ANKRD24: variants seen among roughly 807,000 people sequenced by gnomAD.
ANKRD24 encodes the protein ankyrin repeat domain 24, also known as ankyrin repeat domain-containing protein 24.
A neutral mutation model predicts 127.8 loss-of-function variants in ANKRD24; 109 were observed. That is an observed-to-expected ratio of 0.85 (90% CI 0.73 to 1.00). The LOEUF (loss-of-function observed/expected upper bound fraction) is 1.00, where lower values mean the gene tolerates loss of function less well. Among genes scored for constraint, ANKRD24 ranks in the 50% least tolerant of loss-of-function variants. The probability of loss-of-function intolerance (pLI) is 0.00; values close to 1 mark genes in which losing one functional copy is unlikely to be tolerated. For synonymous variants in ANKRD24, 743 were observed against 671.1 expected (o/e 1.11, Z -1.66); for missense variants, 1,648 against 1,570.2 (o/e 1.05, Z -0.84).
intron 7 of ANKRD24, 99 bp from the exon 8 acceptor site, chr19:4,207,143 C>CAA: frequency 1.1e-6 from 1 of 936,052 alleles, no homozygotes; most frequent in African/African-American, 1.7e-5. Context: ...AGGTTGGTCT[C>CAA]AAACTCCAGA....
At chr19:4,188,541 A>G (rs11085061) in intron 2 of ANKRD24, among the ~76,000 whole-genome samples, 73,541 of 151,470 alleles carry the variant, frequency 0.49, 17,846 homozygotes, top group East Asian at 0.6. Context: ...GCACCACCAC[A>G]CTGGGCTAAT....
intron 2 of ANKRD24, among the ~76,000 whole-genome samples, chr19:4,191,003 C>T (rs776832093): frequency 1.9e-4 from 29 of 152,048 alleles, no homozygotes; most frequent in African/African-American, 4.3e-4. Context: ...TGGGAGGGGT[C>T]GGGACAAAGT....
At chr19:4,188,117 G>A (rs775341445) in intron 2 of ANKRD24, among the ~76,000 whole-genome samples, 5 of 151,856 alleles carry the variant, frequency 3.3e-5, no homozygotes, top group East Asian at 3.9e-4. Flanking sequence ...CCCTCTTGTC[G>A]CCCAGGCTGG....
At chr19:4,184,162 C>T (rs1053109194) in intron 1 of ANKRD24, among the ~76,000 whole-genome samples, 3 of 152,212 alleles carry the variant, frequency 2.0e-5, no homozygotes, top group Admixed American at 6.5e-5. Context: ...GGCTCATCCC[C>T]GGCCCCCTGG....
At chr19:4,212,279 T>C (rs1040190510) in intron 13 of ANKRD24, among the ~76,000 whole-genome samples, 196 bp from the exon 14 acceptor site, 11 of 152,138 alleles carry the variant, frequency 7.2e-5, no homozygotes, top group African/African-American at 2.7e-4. Context: ...TATTTAGTAA[T>C]GAGTGAGCAG....
At chr19:4,210,968 G>A (rs1461350653) in intron 13 of ANKRD24, among the ~76,000 whole-genome samples, 1 of 151,804 alleles carries the variant, frequency 6.6e-6, no homozygotes, top group Admixed American at 6.6e-5. Context: ...CAAGCAGCTG[G>A]GATTACAGGC....
intron 13 of ANKRD24, 124 bp from the exon 14 acceptor site, chr19:4,212,351 G>T: frequency 8.7e-7 from 1 of 1,150,488 alleles, no homozygotes; most frequent in Non-Finnish European, 1.2e-6. Context: ...GCAGAATTCA[G>T]TAGGTGCTGA....
At chr19:4,207,103 TGTA>T in intron 7 of ANKRD24, 136 bp from the exon 8 acceptor site, 4 of 423,016 alleles carry the variant, frequency 9.5e-6, no homozygotes, top group Non-Finnish European at 1.2e-5. Context: ...TTTTTTTTTT[TGTA>T]GAGACAGGGT....
At chr19:4,215,859 T>C (rs1255629107) in intron 15 of ANKRD24, 119 bp from the exon 16 acceptor site, 8 of 732,056 alleles carry the variant, frequency 1.1e-5, no homozygotes, top group Non-Finnish European at 1.6e-5. Context: ...AATGCAGCCA[T>C]CTGGTGCTCG....
chr19:4,210,443 A>G lies in ANKRD24; in HGVS notation c.1059+71A>G, dbSNP rs1272803491. The G allele has an allele frequency of 3.8e-6, 5 of 1,310,480 alleles. No individual in the cohort carries two copies. In the Admixed American group the frequency reaches 7.9e-5, roughly 21 times the overall value. 81.2% of individuals were successfully genotyped at this position (1,310,480 alleles called of 1,614,324 possible). A position where few individuals can be genotyped will look rare whatever the true frequency, so the allele number is the denominator to read the frequency against. ...TCAATGCAGGCATGAAGATCCCCCT[A>G]CTTTTCTCCCACCTTCCCTCCTCCA... On this transcript the variant is annotated intron_variant, in intron 13 of 21. Transcript: ENST00000318934.
rs1450678839 is a variant in ANKRD24 at position 4,195,671 on chromosome 19, G to A, written c.37-4012G>A. 6.6e-6 allele frequency among the ~76,000 whole-genome samples: 1 copy of A among 152,160 alleles called. No individual in the cohort carries two copies. Among genetic ancestry groups the A allele is most frequent in the African/African-American group, 2.4e-5 (1 of 41,442 alleles). ...CCAACACTTTGAGAGGCCAAGGCAGGTGGATCACGAGGTCAGAGTTCAAGA... is the reference window on the plus strand; with the variant it reads ...CCAACACTTTGAGAGGCCAAGGCAGATGGATCACGAGGTCAGAGTTCAAGA... On this transcript the variant is annotated intron_variant, in intron 2 of 21. Coordinates refer to ENST00000318934, the MANE Select transcript of ANKRD24 (RefSeq NM_001393985.1). The surrounding 1 kb of genome is among the most constrained non-coding windows in gnomAD (Gnocchi z 4.2).
At chr19:4,204,095 C>T (rs1023367538) in intron 7 of ANKRD24, among the ~76,000 whole-genome samples, 10 of 151,076 alleles carry the variant, frequency 6.6e-5, no homozygotes, top group African/African-American at 9.7e-5. Context: ...TCCCGAGTAG[C>T]GGGGACTACA....
chr19:4,206,726 C>G (rs1969408043), intron 7 of ANKRD24, among the ~76,000 whole-genome samples: 1 of 152,174 alleles, frequency 6.6e-6, no homozygotes, highest in Non-Finnish European at 1.5e-5. Context: ...TGACCACTGG[C>G]CTGGTTGGGC....
Position 4,217,391 on chromosome 19 carries a change from C to T in ANKRD24, c.2231C>T (p.Ala744Val). The T allele has an allele frequency of 2.6e-6, 4 of 1,550,310 alleles. No homozygotes were observed. Among genetic ancestry groups the T allele is most frequent in the South Asian group, 1.2e-5 (1 of 84,020 alleles). The change falls in exon 18 of 22, where the codon GCT (alanine) becomes GTT (valine). Residue 744 changes from alanine to valine, a missense_variant. Ala to Val is a moderately conservative substitution (Grantham distance 64). Transcript: ENST00000318934. ...CTCCGGCAGCGGGAGCGGGAGGCAG[C>T]TGCGGAGCTGGAGGCGGCCCTGGGG... ...EALRQREREA[A>V]AELEAALGKC...
intron 13 of ANKRD24, among the ~76,000 whole-genome samples, chr19:4,211,472 C>A (rs1161878894): frequency 1.3e-5 from 2 of 151,668 alleles, no homozygotes; most frequent in African/African-American, 4.9e-5. Flanking sequence ...AACCCTGTCT[C>A]TACTAAAAAT....
rs576731616 is a variant in ANKRD24 at position 4,209,304 on chromosome 19, C to T, written c.870+503C>T. Among the ~76,000 whole-genome samples the T allele has an allele frequency of 5.9e-5, 9 of 152,072 alleles. No homozygotes were observed. In the East Asian group the frequency reaches 1.6e-3, roughly 26 times the overall value. The stretch of plus-strand genomic sequence containing the variant: ...TGTATTTTTAGTAGAGATGGGGTTT[C>T]ACCCTGTTGGCCAGGCTGGTCTCAA... On this transcript the variant is annotated intron_variant, in intron 11 of 21. Coordinates refer to ENST00000318934, the MANE Select transcript of ANKRD24 (RefSeq NM_001393985.1).
At chr19:4,212,744 A>T in intron 15 of ANKRD24, 46 bp downstream of exon 15, 1 of 1,512,804 alleles carries the variant, frequency 6.6e-7, no homozygotes, top group South Asian at 1.2e-5. Flanking sequence ...TGGGTCGGGG[A>T]ACTTCTCTCC....
chr19:4,193,761 C>T (rs958389992), intron 2 of ANKRD24, among the ~76,000 whole-genome samples: 12 of 147,564 alleles, frequency 8.1e-5, no homozygotes, highest in Non-Finnish European at 1.5e-4. Context: ...CACTTGAAGC[C>T]GGGAGGTGGA....
At chr19:4,197,372 A>G (rs1968807170) in intron 2 of ANKRD24, among the ~76,000 whole-genome samples, 1 of 151,198 alleles carries the variant, frequency 6.6e-6, no homozygotes, top group South Asian at 2.1e-4. Flanking sequence ...GTGGGAATGA[A>G]TGAATGAATG....
Sources: gnomAD v4.1 joint callset for allele counts (sites outside exome capture counted in the v4.1 genomes callset) on GRCh38, gnomAD v4.1.1 for gene constraint, Gnocchi (gnomAD v3.1) non-coding constraint, MANE v1.5 for transcripts, NCBI Gene and HGNC (gene_info 2026-07-23, HGNC 2026-07-21) for gene names.